Variants in PBX3 observed in about 807,000 individuals in gnomAD.
PBX3 encodes the protein pre-B-cell leukemia transcription factor 3.
PBX3 carries 14 observed loss-of-function variants against 48.5 expected under a neutral mutation model. The ratio of observed to expected loss-of-function variants is 0.29; its 90% CI spans 0.19 to 0.45. PBX3 has a LOEUF of 0.45. Ranked by LOEUF, PBX3 falls within the 20% of genes least tolerant of loss-of-function variation. PBX3 has a pLI of 1.00. For missense variants in PBX3, 386 were observed against 546.7 expected (o/e 0.71, Z 2.93); for synonymous variants, 210 against 200.3 (o/e 1.05, Z -0.41).
chr9:125,774,508 T>C (rs1261442705), intron 2 of PBX3, among the ~76,000 whole-genome samples: 1 of 152,228 alleles, frequency 6.6e-6, no homozygotes, highest in African/African-American at 2.4e-5. Flanking sequence ...AGTATTTGGT[T>C]CTTTGTGACT....
intron 2 of PBX3, among the ~76,000 whole-genome samples, chr9:125,893,710 T>C (rs978115386): frequency 2.0e-4 from 31 of 152,226 alleles, no homozygotes; most frequent in African/African-American, 7.0e-4. Context: ...TCATTTGTCA[T>C]GATTTGGCAT....
chr9:125,808,716 A>G (rs554871016), intron 2 of PBX3, among the ~76,000 whole-genome samples: 18 of 152,298 alleles, frequency 1.2e-4, no homozygotes, highest in Non-Finnish European at 2.2e-4. Context: ...AGTGTTTACA[A>G]TGGGGTATTG....
chr9:125,957,011 T>C (rs1272196238), intron 5 of PBX3, among the ~76,000 whole-genome samples: 2 of 152,142 alleles, frequency 1.3e-5, no homozygotes, highest in African/African-American at 4.8e-5. Flanking sequence ...TCCATCTGTT[T>C]TTAAAAGGTG....
At chr9:125,813,314 T>C (rs1838351477) in intron 2 of PBX3, among the ~76,000 whole-genome samples, 1 of 152,152 alleles carries the variant, frequency 6.6e-6, no homozygotes, top group African/African-American at 2.4e-5. Flanking sequence ...CACATTGGCA[T>C]AGGCCAATGT....
chr9:125,859,232 A>C (rs928733589), intron 2 of PBX3, among the ~76,000 whole-genome samples: 1 of 152,046 alleles, frequency 6.6e-6, no homozygotes, highest in African/African-American at 2.4e-5. Context: ...TTTTTAATTG[A>C]TTTTGCTAAA....
At chr9:125,820,415 A>G (rs1838616939) in intron 2 of PBX3, among the ~76,000 whole-genome samples, 1 of 152,202 alleles carries the variant, frequency 6.6e-6, no homozygotes, top group African/African-American at 2.4e-5. Context: ...TAAAAGCAAG[A>G]CAAAACTTTG....
intron 2 of PBX3, among the ~76,000 whole-genome samples, chr9:125,767,705 G>A (rs968317586): frequency 6.6e-6 from 1 of 152,178 alleles, no homozygotes; most frequent in Admixed American, 6.5e-5. Flanking sequence ...CAATAGCTTT[G>A]TAGAGGTAGA....
At position 125,952,226 on chromosome 9, in the gene PBX3, A is replaced by G. The variant is rs1322000351; in HGVS notation, c.844-8458A>G. Among the ~76,000 whole-genome samples the G allele has an allele frequency of 7.2e-5, 11 of 152,262 alleles. 1 individual carries two copies. The highest frequency in any genetic ancestry group is 7.2e-4 in the Admixed American group (11 of 15,288). On this transcript the variant is annotated intron_variant, in intron 5 of 8. Coordinates refer to ENST00000373489, the MANE Select transcript of PBX3 (RefSeq NM_006195.6). ...AAAATTTTTCTAAGATTTGTGCTTC[A>G]TAAATTTTCAGTTTGTTAATTTCAA...
At chr9:125,843,900 T>C (rs1361587453) in intron 2 of PBX3, 1 of 436,384 alleles carries the variant, frequency 2.3e-6, no homozygotes, top group African/African-American at 2.0e-5. Flanking sequence ...GGGGTTAATG[T>C]AGTATGGAGA....
At chr9:125,787,700 TAGATG>T (rs1837494352) in intron 2 of PBX3, among the ~76,000 whole-genome samples, 1 of 152,142 alleles carries the variant, frequency 6.6e-6, no homozygotes, top group Non-Finnish European at 1.5e-5. Context: ...GAGTGGCTGA[TAGATG>T]AGAAAATGGA....
At chr9:125,867,809 T>C (rs1017131282) in intron 2 of PBX3, among the ~76,000 whole-genome samples, 5 of 150,792 alleles carry the variant, frequency 3.3e-5, no homozygotes, top group East Asian at 1.9e-4. Flanking sequence ...TATATACACA[T>C]ATATATATAC....
intron 2 of PBX3, among the ~76,000 whole-genome samples, chr9:125,781,589 G>T (rs2132037000): frequency 6.7e-6 from 1 of 149,954 alleles, no homozygotes; most frequent in African/African-American, 2.4e-5. Context: ...GGAGAGGCGA[G>T]AGGCGAGAGG....
intron 2 of PBX3, among the ~76,000 whole-genome samples, chr9:125,884,983 G>A (rs1335533607): frequency 6.6e-6 from 1 of 152,086 alleles, no homozygotes; most frequent in Non-Finnish European, 1.5e-5. Context: ...GAATGATAAT[G>A]TTTATCATTC....
At chr9:125,863,629 A>T (rs1839915235) in intron 2 of PBX3, among the ~76,000 whole-genome samples, 1 of 152,178 alleles carries the variant, frequency 6.6e-6, no homozygotes, top group South Asian at 2.1e-4. Context: ...CAGAGTTTAG[A>T]TTCTATGAAA....
At chr9:125,911,117 C>T (rs879381801) in intron 2 of PBX3, among the ~76,000 whole-genome samples, 1 of 152,040 alleles carries the variant, frequency 6.6e-6, no homozygotes, top group Non-Finnish European at 1.5e-5. Flanking sequence ...CAGTGTCTTT[C>T]ACCACTGTTT....
At chr9:125,770,944 C>T (rs1836925094) in intron 2 of PBX3, among the ~76,000 whole-genome samples, 1 of 152,144 alleles carries the variant, frequency 6.6e-6, no homozygotes, top group Non-Finnish European at 1.5e-5. Flanking sequence ...GCGCTGCTGT[C>T]AAGTGTTATT....
chr9:125,945,776 GAT>G (rs1842052785), intron 5 of PBX3, among the ~76,000 whole-genome samples: 1 of 152,176 alleles, frequency 6.6e-6, no homozygotes, highest in Non-Finnish European at 1.5e-5. Context: ...ATTGCCTTCA[GAT>G]CTGTTGGGAA....
intron 8 of PBX3, among the ~76,000 whole-genome samples, chr9:125,965,074 A>G (rs764397357): frequency 6.6e-6 from 1 of 152,248 alleles, no homozygotes; most frequent in Non-Finnish European, 1.5e-5. Context: ...ACATAAAAAT[A>G]TGTAGCGACA....
chr9:125,863,420 C>T (rs1839909949), intron 2 of PBX3, among the ~76,000 whole-genome samples: 1 of 151,752 alleles, frequency 6.6e-6, no homozygotes, highest in South Asian at 2.1e-4. Flanking sequence ...CCATGTTGGC[C>T]AGGATTGTCT....
Sources: allele counts gnomAD v4.1 joint callset (sites outside exome capture counted in the v4.1 genomes callset), GRCh38; gene constraint gnomAD v4.1.1; transcripts MANE v1.5; gene names NCBI Gene and HGNC (gene_info 2026-07-23, HGNC 2026-07-21).